CAMTA1: variants seen among roughly 807,000 people sequenced by gnomAD.
The protein encoded by CAMTA1 is calmodulin-binding transcription activator 1.
In CAMTA1, 27 loss-of-function variants were observed where a neutral mutation model predicts 170.9. The observed-to-expected ratio is 0.16, with a 90% CI of 0.12 to 0.22. The LOEUF (loss-of-function observed/expected upper bound fraction) is 0.22. Ranked by LOEUF, CAMTA1 falls within the 10% of genes least tolerant of loss-of-function variation. CAMTA1 has a pLI of 1.00. For missense variants in CAMTA1, 1,619 were observed against 2,217.2 expected (o/e 0.73, Z 5.42); for synonymous variants, 833 against 891.5 (o/e 0.93, Z 1.17).
intron 11 of CAMTA1, among the ~76,000 whole-genome samples, chr1:7,697,778 T>G (rs1232153931): frequency 6.6e-6 from 1 of 152,208 alleles, no homozygotes; most frequent in Non-Finnish European, 1.5e-5. Context: ...CCCTCCATAT[T>G]ACAGCTGGCA....
chr1:7,460,626 C>T (rs993790980), intron 5 of CAMTA1, among the ~76,000 whole-genome samples: 1 of 151,660 alleles, frequency 6.6e-6, no homozygotes, highest in Non-Finnish European at 1.5e-5. Context: ...CCCAGTTCTG[C>T]CTCTCACCTG....
At chr1:7,614,105 C>T (rs1272509311) in intron 6 of CAMTA1, among the ~76,000 whole-genome samples, 1 of 148,740 alleles carries the variant, frequency 6.7e-6, no homozygotes. Context: ...GCAGGCCTGA[C>T]CCAGAGGGGT....
intron 4 of CAMTA1, among the ~76,000 whole-genome samples, chr1:7,100,691 C>T (rs903152499): frequency 1.3e-5 from 2 of 152,208 alleles, no homozygotes; most frequent in African/African-American, 4.8e-5. Flanking sequence ...GCGCTGGCCT[C>T]CTGTCCACCT....
intron 6 of CAMTA1, among the ~76,000 whole-genome samples, chr1:7,571,381 T>G (rs1477118274): frequency 6.6e-6 from 1 of 152,268 alleles, no homozygotes; most frequent in Non-Finnish European, 1.5e-5. Context: ...AGGTTTGTTA[T>G]GTTGGTAAAC....
intron 5 of CAMTA1, among the ~76,000 whole-genome samples, chr1:7,372,016 G>A (rs115816266): frequency 0.011 from 1,640 of 152,248 alleles, 33 homozygotes; most frequent in African/African-American, 0.036. Context: ...TGGGCTGAGC[G>A]TGCACCTCTC....
At chr1:7,220,143 C>T (rs185034293) in intron 4 of CAMTA1, among the ~76,000 whole-genome samples, 4 of 152,304 alleles carry the variant, frequency 2.6e-5, no homozygotes, top group East Asian at 1.9e-4. Context: ...ATACAAAGCC[C>T]GAAACCATAG....
At chr1:7,252,351 A>T (rs1666761891) in intron 5 of CAMTA1, among the ~76,000 whole-genome samples, 1 of 152,178 alleles carries the variant, frequency 6.6e-6, no homozygotes, top group South Asian at 2.1e-4. Context: ...TGTTAATGGG[A>T]GCCTGTTGCT....
chr1:7,209,657 G>A (rs1658406821), intron 4 of CAMTA1, among the ~76,000 whole-genome samples: 1 of 152,186 alleles, frequency 6.6e-6, no homozygotes, highest in East Asian at 1.9e-4. Flanking sequence ...GGTCGCAGTG[G>A]TTGGTAAGCT....
intron 3 of CAMTA1, among the ~76,000 whole-genome samples, chr1:7,087,298 G>A (rs1640879828): frequency 6.6e-6 from 1 of 152,176 alleles, no homozygotes; most frequent in South Asian, 2.1e-4. Context: ...TTAAGCAAAG[G>A]GCTCCATGGA....
chr1:7,394,811 TTGTG>T (rs61154098), intron 5 of CAMTA1, among the ~76,000 whole-genome samples: 5,095 of 147,510 alleles, frequency 0.035, 192 homozygotes, highest in African/African-American at 0.095. Flanking sequence ...TTTCTTGTAG[TTGTG>T]TGTGTGTGTG....
chr1:7,548,426 C>G (rs890446571), intron 6 of CAMTA1, among the ~76,000 whole-genome samples: 1 of 150,414 alleles, frequency 6.6e-6, no homozygotes, highest in African/African-American at 2.5e-5. Flanking sequence ...GTGCAGGGTG[C>G]CCCTTAGGAG....
chr1:7,121,911 G>T (rs1247020955), intron 4 of CAMTA1, among the ~76,000 whole-genome samples: 1 of 151,986 alleles, frequency 6.6e-6, no homozygotes. Flanking sequence ...CTAGGGGAGG[G>T]CACTGCCTTT....
intron 3 of CAMTA1, among the ~76,000 whole-genome samples, chr1:6,994,365 G>A (rs1186135629): frequency 6.6e-6 from 1 of 152,072 alleles, no homozygotes; most frequent in Non-Finnish European, 1.5e-5. Flanking sequence ...TTTGCTGGTG[G>A]TGAATTTTCT....
intron 7 of CAMTA1, among the ~76,000 whole-genome samples, chr1:7,659,956 A>G (rs1300782048): frequency 6.6e-6 from 1 of 152,198 alleles, no homozygotes; most frequent in East Asian, 1.9e-4. Context: ...AAATCCACAC[A>G]GCAAGATCAA....
chr1:7,736,273 C>G lies in CAMTA1; in HGVS notation c.3067-71C>G. The G allele has an allele frequency of 7.8e-7, 1 of 1,278,808 alleles. No homozygotes were observed. Among genetic ancestry groups the G allele is most frequent in the Non-Finnish European group, 1.1e-6 (1 of 901,860 alleles). The allele number at this position is 1,278,808 out of a possible 1,614,324, so 79.2% of individuals were successfully genotyped here. The stretch of plus-strand genomic sequence containing the variant: ...TTCTAATCGTAAAGCATTTGTTTCC[C>G]CTACATCGAAGCGCTGATGGGGTCG... On this transcript the variant is annotated intron_variant, in intron 12 of 22. Transcript: ENST00000303635. This position sits in a 1 kb window ranked among gnomAD's most constrained non-coding sequence, Gnocchi z 4.5.
At chr1:6,792,868 T>G (rs1641509670) in intron 1 of CAMTA1, among the ~76,000 whole-genome samples, 1 of 152,192 alleles carries the variant, frequency 6.6e-6, no homozygotes, top group Non-Finnish European at 1.5e-5. Flanking sequence ...ATCACTCTGC[T>G]CTCTACGGTT....
In CAMTA1 at chr1:7,633,932, G is replaced by A. The variant is rs1479711074; in HGVS notation, c.511-6468G>A. Among the ~76,000 whole-genome samples, 4 of 152,228 alleles carry A rather than the reference G, an allele frequency of 2.6e-5. No individual in the cohort carries two copies. The highest frequency in any genetic ancestry group is 2.1e-4 in the South Asian group (1 of 4,834). ...ACCTGGGACCAATGTGGCATGGAGC[G>A]TGGCAGCCAGAGACCACAGCCCAGG... On this transcript the variant is annotated intron_variant, in intron 6 of 22. Coordinates refer to ENST00000303635, the MANE Select transcript of CAMTA1 (RefSeq NM_015215.4). The surrounding 1 kb of genome is among the most constrained non-coding windows in gnomAD (Gnocchi z 4.1).
chr1:7,476,088 G>A (rs1056406951), intron 6 of CAMTA1, among the ~76,000 whole-genome samples: 1 of 152,210 alleles, frequency 6.6e-6, no homozygotes, highest in Non-Finnish European at 1.5e-5. Context: ...CTGTGAGGCT[G>A]GGGTCTGATG....
intron 3 of CAMTA1, among the ~76,000 whole-genome samples, chr1:6,906,489 G>C (rs1213780292): frequency 1.3e-5 from 2 of 152,178 alleles, no homozygotes; most frequent in Non-Finnish European, 2.9e-5. Flanking sequence ...CACTGACACA[G>C]AAAATCAGGG....
Sources: allele counts gnomAD v4.1 joint callset (sites outside exome capture counted in the v4.1 genomes callset), GRCh38; gene constraint gnomAD v4.1.1; non-coding constraint Gnocchi (gnomAD v3.1); transcripts MANE v1.5; gene names NCBI Gene and HGNC (gene_info 2026-07-23, HGNC 2026-07-21).